The following AGBL1 variants were observed in gnomAD, a reference collection of about 807,000 sequenced individuals.
The protein encoded by AGBL1 is cytosolic carboxypeptidase 4.
In AGBL1, 130 loss-of-function variants were observed where a neutral mutation model predicts 118.9. The observed-to-expected ratio is 1.09, with a 90% CI of 0.95 to 1.26. The LOEUF (loss-of-function observed/expected upper bound fraction) is 1.26. Ranked by LOEUF, AGBL1 falls within the 50% of genes most tolerant of loss-of-function variation. The pLI is 0.00. For synonymous variants in AGBL1, 555 were observed against 478.9 expected (o/e 1.16, Z -2.08); for missense variants, 1,584 against 1,298.1 (o/e 1.22, Z -3.38).
Position 86,615,646 on chromosome 15 carries a change from G to A in AGBL1, c.2995-58627G>A, listed in dbSNP as rs555867881. 4.6e-5 allele frequency among the ~76,000 whole-genome samples: 7 copies of A among 152,250 alleles called. No homozygotes were observed. Among genetic ancestry groups the A allele is most frequent in the South Asian group, 4.1e-4 (2 of 4,822 alleles). On this transcript the variant is annotated intron_variant, in intron 21 of 22. Coordinates refer to ENST00000614907, the MANE Select transcript of AGBL1 (RefSeq NM_001386094.1). The surrounding 1 kb of genome is among the most constrained non-coding windows in gnomAD (Gnocchi z 4.3). ...GAGTGTAACAGAGCACTGAGGCTCC[G>A]GTTCACCTCTGGACAGCTGGCATGG...
intron 24 of AGBL1, among the ~76,000 whole-genome samples, chr15:86,992,056 T>C (rs2081340950): frequency 6.6e-6 from 1 of 152,088 alleles, no homozygotes; most frequent in South Asian, 2.1e-4. Flanking sequence ...ACAGGAAGCA[T>C]GGTGCTGGCA....
intron 17 of AGBL1, among the ~76,000 whole-genome samples, chr15:86,337,963 C>T (rs1283422681): frequency 1.3e-5 from 2 of 152,184 alleles, no homozygotes; most frequent in East Asian, 3.9e-4. Flanking sequence ...CTGGTATATG[C>T]CAGACACTTC....
At chr15:86,668,432 A>G (rs902705344) in intron 21 of AGBL1, among the ~76,000 whole-genome samples, 35 of 152,242 alleles carry the variant, frequency 2.3e-4, no homozygotes, top group African/African-American at 4.8e-4. Context: ...CACCAATGCA[A>G]TATACTCATT....
intron 22 of AGBL1, among the ~76,000 whole-genome samples, chr15:86,884,392 G>A (rs942382091): frequency 7.2e-5 from 11 of 152,144 alleles, no homozygotes; most frequent in Admixed American, 7.2e-4. Context: ...TAAAACTTAC[G>A]ATTTGTTTAT....
chr15:86,642,871 T>A (rs1352149329), intron 21 of AGBL1, among the ~76,000 whole-genome samples: 2 of 152,220 alleles, frequency 1.3e-5, no homozygotes, highest in African/African-American at 4.8e-5. Flanking sequence ...TTATTTTATT[T>A]TAATATTACA....
chr15:86,830,447 T>C (rs1281751679), intron 22 of AGBL1, among the ~76,000 whole-genome samples: 4 of 152,100 alleles, frequency 2.6e-5, no homozygotes, highest in Admixed American at 6.5e-5. Context: ...CCAAGGAGGC[T>C]TCAGTCACCA....
intron 5 of AGBL1, among the ~76,000 whole-genome samples, chr15:86,185,907 T>C (rs1236432800): frequency 2.6e-5 from 4 of 152,094 alleles, no homozygotes; most frequent in African/African-American, 9.7e-5. Flanking sequence ...GAGTATAATT[T>C]AAAAAAATCG....
intron 21 of AGBL1, among the ~76,000 whole-genome samples, chr15:86,596,985 C>T (rs1423151091): frequency 6.6e-6 from 1 of 152,150 alleles, no homozygotes; most frequent in Non-Finnish European, 1.5e-5. Flanking sequence ...CAACATGTGA[C>T]AGATATTTAA....
At chr15:86,462,483 T>C (rs777538674) in intron 18 of AGBL1, among the ~76,000 whole-genome samples, 37 of 152,056 alleles carry the variant, frequency 2.4e-4, no homozygotes, top group Non-Finnish European at 4.6e-4. Flanking sequence ...ACGTGCAGAA[T>C]GTGCAGGTTT....
chr15:86,422,799 A>T (rs28882424), intron 18 of AGBL1, among the ~76,000 whole-genome samples: 57,482 of 152,046 alleles, frequency 0.38, 11,369 homozygotes, highest in East Asian at 0.68. Context: ...AACTACCATC[A>T]GATAATACCA....
intron 22 of AGBL1, among the ~76,000 whole-genome samples, chr15:86,798,165 A>G (rs2078600151): frequency 6.6e-6 from 1 of 152,166 alleles, no homozygotes; most frequent in Non-Finnish European, 1.5e-5. Context: ...CTACAGGAAA[A>G]CAGAACAAAA....
At chr15:86,130,029 A>G (rs2076798922) in intron 1 of AGBL1, among the ~76,000 whole-genome samples, 1 of 152,130 alleles carries the variant, frequency 6.6e-6, no homozygotes, top group Admixed American at 6.5e-5. Flanking sequence ...TTAAAATGTC[A>G]TGGTGCCGTC....
intron 22 of AGBL1, among the ~76,000 whole-genome samples, chr15:86,801,973 A>G (rs2078656376): frequency 1.3e-5 from 2 of 152,150 alleles, no homozygotes; most frequent in Admixed American, 1.3e-4. Context: ...TATGGATGCT[A>G]TTATACTTGG....
chr15:86,552,514 G>T (rs537400553), intron 20 of AGBL1, among the ~76,000 whole-genome samples: 54 of 152,226 alleles, frequency 3.5e-4, no homozygotes, highest in African/African-American at 1.2e-3. Flanking sequence ...ATGTCTATTT[G>T]ACCAGCCCCC....
At chr15:86,209,797 G>A (rs1238247872) in intron 5 of AGBL1, among the ~76,000 whole-genome samples, 4 of 152,050 alleles carry the variant, frequency 2.6e-5, no homozygotes, top group Non-Finnish European at 5.9e-5. Flanking sequence ...TTTAATTGGG[G>A]CATTTAGCCC....
At chr15:86,563,575 T>C (rs2083864348) in intron 21 of AGBL1, among the ~76,000 whole-genome samples, 1 of 151,840 alleles carries the variant, frequency 6.6e-6, no homozygotes, top group African/African-American at 2.4e-5. Context: ...ATGGACTAAG[T>C]ACGATGTGGT....
chr15:86,791,302 T>C (rs1359044204), intron 22 of AGBL1, among the ~76,000 whole-genome samples: 1 of 152,204 alleles, frequency 6.6e-6, no homozygotes, highest in Non-Finnish European at 1.5e-5. Context: ...TGAATCTCAG[T>C]ACTTCCATTT....
At chr15:86,333,471 A>T (rs911605715) in intron 17 of AGBL1, among the ~76,000 whole-genome samples, 7 of 152,214 alleles carry the variant, frequency 4.6e-5, no homozygotes, top group Admixed American at 2.0e-4. Context: ...CTATCTCCCA[A>T]GATTGTATAA....
At chr15:86,237,338 C>T (rs955357678) in intron 6 of AGBL1, among the ~76,000 whole-genome samples, 2 of 152,146 alleles carry the variant, frequency 1.3e-5, no homozygotes, top group East Asian at 1.9e-4. Flanking sequence ...GATTCATGAG[C>T]GATGCTTGCA....
Sources: allele counts gnomAD v4.1 joint callset (sites outside exome capture counted in the v4.1 genomes callset), GRCh38; gene constraint gnomAD v4.1.1; non-coding constraint Gnocchi (gnomAD v3.1); transcripts MANE v1.5; gene names NCBI Gene and HGNC (gene_info 2026-07-23, HGNC 2026-07-21).